The following NUCB2 variants were observed in gnomAD, a reference collection of about 807,000 sequenced individuals.
NUCB2 encodes the protein nucleobindin 2, also known as nucleobindin-2.
In NUCB2, 48 loss-of-function variants were observed where a neutral mutation model predicts 57.9. The ratio of observed to expected loss-of-function variants is 0.83; its 90% CI spans 0.66 to 1.05. The LOEUF (loss-of-function observed/expected upper bound fraction) is 1.05, where lower values mean the gene tolerates loss of function less well. NUCB2 is among the 50% of genes least tolerant of loss of function. NUCB2 has a pLI of 0.00. For synonymous variants in NUCB2, 139 were observed against 152.1 expected (o/e 0.91, Z 0.64); for missense variants, 442 against 476.2 (o/e 0.93, Z 0.67).
chr11:17,345,573 G>A (rs1020807065), intron 2 of NUCB2, among the ~76,000 whole-genome samples: 8 of 152,098 alleles, frequency 5.3e-5, no homozygotes, highest in East Asian at 1.9e-4. Context: ...CGGGCGTGGT[G>A]GTGGGCGCCT....
intron 2 of NUCB2, among the ~76,000 whole-genome samples, chr11:17,283,810 G>A (rs1028681727): frequency 2.0e-5 from 3 of 152,220 alleles, no homozygotes; most frequent in African/African-American, 7.2e-5. Context: ...TCATCAGGAA[G>A]TAAATTTATA....
intron 1 of NUCB2, among the ~76,000 whole-genome samples, chr11:17,282,259 T>TCTATCTATCTATC (rs1555062027): frequency 1.6e-4 from 12 of 73,040 alleles, no homozygotes; most frequent in Middle Eastern, 5.9e-3. Flanking sequence ...TATATATATA[T>TCTATCTATCTATC]TTTTTTTTTT....
rs536126534 is a variant in NUCB2, at chr11:17,317,692, C to T, written c.1002+2217C>T. ...TATCCTATTAGAAGGCACATGTTGA[C>T]GATCCCCATAACTGGTAATGGTAGC... On this transcript the variant is annotated intron_variant, in intron 11 of 13. Coordinates refer to ENST00000529010, the MANE Select transcript of NUCB2 (RefSeq NM_005013.4). 5.7e-4 allele frequency: 121 copies of T among 212,568 alleles called. 2 individuals carry two copies. The South Asian group carries it at 6.3e-3, about 11-fold the overall frequency. 13.2% of individuals were successfully genotyped at this position (212,568 alleles called of 1,614,324 possible). A position where few individuals can be genotyped will look rare whatever the true frequency, so the allele number is the denominator to read the frequency against.
At chr11:17,317,208 TTC>T (rs1949366370) in intron 11 of NUCB2, among the ~76,000 whole-genome samples, 1 of 152,238 alleles carries the variant, frequency 6.6e-6, no homozygotes, top group Middle Eastern at 3.4e-3. Context: ...TGCTTTATCT[TTC>T]TCTCTTTCCC....
intron 1 of NUCB2, among the ~76,000 whole-genome samples, chr11:17,282,260 T>TATA (rs1565358945): frequency 9.6e-4 from 53 of 55,062 alleles, no homozygotes; most frequent in Non-Finnish European, 1.4e-3. Context: ...ATATATATAT[T>TATA]TTTTTTTTTT....
intron 11 of NUCB2, among the ~76,000 whole-genome samples, chr11:17,325,557 T>C (rs754918817): frequency 6.6e-5 from 10 of 152,234 alleles, no homozygotes; most frequent in Non-Finnish European, 1.3e-4. Context: ...ATTTTCAGTC[T>C]GTATATCTTT....
Position 17,310,924 on chromosome 11 carries a change from T to C in NUCB2, c.583T>C (p.Leu195=), listed in dbSNP as rs750924208. 7 of 1,591,084 alleles carry C rather than the reference T, an allele frequency of 4.4e-6. No homozygotes were observed. The East Asian group carries it at 6.7e-5, about 15-fold the overall frequency. ...EHERREYLKT[L]NEEKRKEEES... The stretch of plus-strand genomic sequence containing the variant: ...TGAAAGGAGAGAATATTTAAAAACA[T>C]TGAATGAAGAAAAGAGAAAAGAAGA... The change falls in exon 7 of 14, where the codon TTG becomes CTG. Residue 195 remains leucine, a synonymous_variant. Transcript: ENST00000529010.
chr11:17,344,205 TG>T (rs2139654155), intron 2 of NUCB2, among the ~76,000 whole-genome samples: 1 of 152,328 alleles, frequency 6.6e-6, no homozygotes, highest in East Asian at 1.9e-4. Flanking sequence ...TTGACTTTTT[TG>T]TATCCTCCTT....
intron 2 of NUCB2, among the ~76,000 whole-genome samples, chr11:17,344,871 T>TGTCCA (rs759101049): frequency 6.6e-6 from 1 of 152,230 alleles, no homozygotes; most frequent in Non-Finnish European, 1.5e-5. Flanking sequence ...CGAGCCCCTG[T>TGTCCA]GTCCAGTTCC....
rs532188796 is a variant in NUCB2 at position 17,296,158 on chromosome 11, A to G, written c.199A>G (p.Thr67Ala). The change falls in exon 4 of 14, where the codon ACA (threonine) becomes GCA (alanine). Residue 67 changes from threonine (T) to alanine (A), a missense_variant. Physicochemically the swap from Thr to Ala is moderately conservative, Grantham distance 58. Coordinates refer to ENST00000529010, the MANE Select transcript of NUCB2 (RefSeq NM_005013.4). ...CAAGCAAGTGATTGATGTGCTGGAA[A>G]CAGATAAACACTTCAGAGAAAAGCT... ...YLKQVIDVLE[T>A]DKHFREKLQK... 6.2e-7 allele frequency: 1 copy of G among 1,612,474 alleles called. No homozygotes were observed. The highest frequency in any genetic ancestry group is 1.1e-5 in the South Asian group (1 of 90,910).
chr11:17,287,964 C>T (rs903531364), intron 2 of NUCB2, among the ~76,000 whole-genome samples: 4 of 152,172 alleles, frequency 2.6e-5, no homozygotes, highest in African/African-American at 4.8e-5. Flanking sequence ...CGGCACTGCA[C>T]TCCAGCACGG....
At chr11:17,306,067 C>G (rs1377114395) in intron 5 of NUCB2, among the ~76,000 whole-genome samples, 2 of 152,150 alleles carry the variant, frequency 1.3e-5, no homozygotes, top group African/African-American at 2.4e-5. Flanking sequence ...CATAAAAGTA[C>G]TATGTGACAG....
At chr11:17,327,094 T>C (rs983710910) in intron 11 of NUCB2, among the ~76,000 whole-genome samples, 1 of 152,210 alleles carries the variant, frequency 6.6e-6, no homozygotes, top group Non-Finnish European at 1.5e-5. Context: ...AGAGTCTTGC[T>C]CTGTTACCCA....
Position 17,331,455 on chromosome 11 carries a change from TAACTC to T in NUCB2, c.*40_*44del, listed in dbSNP as rs1413803187. ...CCACCAGAACTTGGAAGAAAGCTGT[TAACTC>T]AACATCTATTTCATCTTTTTAGCTC... On this transcript the variant is annotated 3_prime_UTR_variant, in exon 14 of 14. Coordinates refer to ENST00000529010, the MANE Select transcript of NUCB2 (RefSeq NM_005013.4). The T allele has an allele frequency of 7.3e-7, 1 of 1,378,348 alleles. No individual in the cohort carries two copies. The highest frequency in any genetic ancestry group is 2.6e-5 in the Admixed American group (1 of 37,760). 85.4% of individuals were successfully genotyped at this position (1,378,348 alleles called of 1,614,324 possible).
chr11:17,311,114 A>G, intron 7 of NUCB2, 79 bp from the exon 8 acceptor site: 2 of 1,425,414 alleles, frequency 1.4e-6, no homozygotes, highest in South Asian at 2.7e-5. Context: ...TCTTCTGCCA[A>G]GTTCCTCAAA....
At chr11:17,289,133 T>A (rs11024238) in intron 2 of NUCB2, among the ~76,000 whole-genome samples, 2,249 of 151,932 alleles carry the variant, frequency 0.015, 52 homozygotes, top group African/African-American at 0.05. Flanking sequence ...ATTTTTTGTA[T>A]TTTTAGTAGA....
At chr11:17,343,052 C>G (rs1260521061) in intron 2 of NUCB2, among the ~76,000 whole-genome samples, 4 of 151,854 alleles carry the variant, frequency 2.6e-5, no homozygotes, top group Non-Finnish European at 5.9e-5. Flanking sequence ...GAATTGATCC[C>G]TTTATCATTA....
At chr11:17,295,988 C>T in intron 3 of NUCB2, 116 bp from the exon 4 acceptor site, 1 of 529,964 alleles carries the variant, frequency 1.9e-6, no homozygotes, top group Non-Finnish European at 3.3e-6. Context: ...TTGAAACTAT[C>T]AAAGTAAATA....
At chr11:17,338,987 T>A (rs188133279) in intron 2 of NUCB2, among the ~76,000 whole-genome samples, 4 of 146,978 alleles carry the variant, frequency 2.7e-5, no homozygotes, top group African/African-American at 5.0e-5. Flanking sequence ...TATTTTATTT[T>A]ATTTATTTAT....
Sources: allele counts gnomAD v4.1 joint callset (sites outside exome capture counted in the v4.1 genomes callset), GRCh38; gene constraint gnomAD v4.1.1; transcripts MANE v1.5; gene names NCBI Gene and HGNC (gene_info 2026-07-23, HGNC 2026-07-21).